TBCK: variants seen among roughly 807,000 people sequenced by gnomAD.
TBCK encodes TBC domain-containing protein kinase-like protein.
Under a neutral mutation model 113.4 loss-of-function variants are expected in TBCK, and 99 were observed. The observed-to-expected ratio is 0.87, with a 90% confidence interval of 0.74 to 1.03. The LOEUF (loss-of-function observed/expected upper bound fraction) is 1.03. TBCK is among the 50% of genes least tolerant of loss of function. The pLI, the probability that TBCK is intolerant of heterozygous loss-of-function variation, is 0.00. For missense variants in TBCK, 1,045 were observed against 1,061.3 expected (o/e 0.98, Z 0.21); for synonymous variants, 369 against 370.8 (o/e 1.00, Z 0.05).
chr4:106,123,817 G>T (rs1299253819), intron 23 of TBCK, among the ~76,000 whole-genome samples: 3,983 of 148,670 alleles, frequency 0.027, 166 homozygotes, highest in African/African-American at 0.093. Flanking sequence ...GCTGAAACTG[G>T]ATCCCTTCCT....
At chr4:106,170,657 T>C (rs1289798066) in intron 23 of TBCK, among the ~76,000 whole-genome samples, 1 of 152,128 alleles carries the variant, frequency 6.6e-6, no homozygotes, top group African/African-American at 2.4e-5. Context: ...TTGTTGACCA[T>C]ATTTATAAAC....
chr4:106,265,626 T>C (rs1762929376), intron 3 of TBCK, among the ~76,000 whole-genome samples: 1 of 151,980 alleles, frequency 6.6e-6, no homozygotes, highest in South Asian at 2.1e-4. Context: ...GTCCTCTAGT[T>C]GTTCCTTGTC....
At chr4:106,082,338 A>C (rs1222670430) in intron 25 of TBCK, among the ~76,000 whole-genome samples, 1 of 152,222 alleles carries the variant, frequency 6.6e-6, no homozygotes, top group Non-Finnish European at 1.5e-5. Context: ...ATGCAGGAAC[A>C]GAAAACCAAA....
In TBCK at chr4:106,125,001, A is replaced by T. The variant is rs934958768; in HGVS notation, c.2236-8623T>A. ...ATGTACCCTAAAACTTAAAGTATAA[A>T]AAAAAAAAAAAAAACACAATGTGAT... On this transcript the variant is annotated intron_variant, in intron 23 of 25. Transcript: ENST00000394708. 3.8e-5 allele frequency among the ~76,000 whole-genome samples: 4 copies of T among 104,380 alleles called. No homozygotes were observed. The East Asian group carries it at 1.0e-3, about 27-fold the overall frequency. The allele number at this position is 104,380 out of a possible 152,430, so 68.5% of individuals were successfully genotyped here.
At chr4:106,257,530 T>G (rs1762121221) in intron 5 of TBCK, among the ~76,000 whole-genome samples, 2 of 152,106 alleles carry the variant, frequency 1.3e-5, no homozygotes, top group South Asian at 4.2e-4. Context: ...ATGGGTAAAT[T>G]TGTTTTTTAA....
At chr4:106,139,422 A>G (rs903628771) in intron 23 of TBCK, among the ~76,000 whole-genome samples, 1 of 142,132 alleles carries the variant, frequency 7.0e-6, no homozygotes, top group African/African-American at 2.5e-5. Flanking sequence ...GGAAAATTCA[A>G]AAGTTTCAGC....
At chr4:106,216,112 G>A in intron 19 of TBCK, among the ~76,000 whole-genome samples, 1 of 152,148 alleles carries the variant, frequency 6.6e-6, no homozygotes, top group Non-Finnish European at 1.5e-5. Context: ...CCTCCTGAAT[G>A]ACTACTGGGT....
intron 2 of TBCK, among the ~76,000 whole-genome samples, chr4:106,306,048 C>T (rs1767482525): frequency 6.6e-6 from 1 of 152,004 alleles, no homozygotes; most frequent in South Asian, 2.1e-4. Context: ...TCACTTTACT[C>T]TATGGACTTG....
At chr4:106,054,723 C>T (rs140170502) in intron 25 of TBCK, among the ~76,000 whole-genome samples, 7 of 151,746 alleles carry the variant, frequency 4.6e-5, no homozygotes, top group African/African-American at 1.7e-4. Context: ...ACTTTCTGAG[C>T]ATCTACTGTG....
chr4:106,053,755 A>T (rs993720736), intron 25 of TBCK, among the ~76,000 whole-genome samples: 1 of 151,670 alleles, frequency 6.6e-6, no homozygotes, highest in Non-Finnish European at 1.5e-5. Context: ...TTCAAAGGGG[A>T]ACACTTGATT....
intron 10 of TBCK, 131 bp downstream of exon 10, chr4:106,247,008 C>T (rs1760890410): frequency 3.2e-6 from 3 of 939,424 alleles, no homozygotes; most frequent in Non-Finnish European, 4.6e-6. Flanking sequence ...TTAATCACTT[C>T]CAGAATTGTC....
chr4:106,261,197 A>G lies in TBCK; in HGVS notation c.382-687T>C, dbSNP rs550138184. Reference sequence around the variant, plus strand: ...TTTCCAAGCATTATAAAATATTTATATTTAAAAACAGCTTAAATTGATAAG... The same window carrying G: ...TTTCCAAGCATTATAAAATATTTATGTTTAAAAACAGCTTAAATTGATAAG... On this transcript the variant is annotated intron_variant, in intron 4 of 25. Coordinates refer to ENST00000394708, the MANE Select transcript of TBCK (RefSeq NM_001163435.3). Among the ~76,000 whole-genome samples the G allele has an allele frequency of 6.6e-5, 10 of 152,250 alleles. 1 individual carries two copies. In the South Asian group the frequency reaches 2.1e-3, roughly 32 times the overall value.
Position 106,137,802 on chromosome 4 carries a change from A to AT in TBCK, c.2236-21425dup, listed in dbSNP as rs1392798231. Reference sequence around the variant, plus strand: ...TAGAGACAGATTTTTTTTTTCAGTGATTAGAGACTTTATGCTAAAACGTTC... The same window carrying AT: ...TAGAGACAGATTTTTTTTTTCAGTGATTTAGAGACTTTATGCTAAAACGTTC... On this transcript the variant is annotated intron_variant, in intron 23 of 25. Transcript: ENST00000394708. Among the ~76,000 whole-genome samples, 8 of 140,218 alleles carry AT rather than the reference A, an allele frequency of 5.7e-5. 1 individual carries two copies. The highest frequency in any genetic ancestry group is 2.0e-4 in the African/African-American group (8 of 39,786). 92.0% of individuals were successfully genotyped at this position (140,218 alleles called of 152,430 possible).
chr4:106,233,830 G>A (rs1186893034), intron 15 of TBCK, among the ~76,000 whole-genome samples, 180 bp from the exon 16 acceptor site: 1 of 152,024 alleles, frequency 6.6e-6, no homozygotes, highest in East Asian at 1.9e-4. Flanking sequence ...GACAATCTGT[G>A]ATGAAGGTCT....
intron 3 of TBCK, among the ~76,000 whole-genome samples, chr4:106,283,958 G>A (rs1301714636): frequency 1.3e-5 from 2 of 152,170 alleles, no homozygotes; most frequent in Non-Finnish European, 2.9e-5. Context: ...ACAGAGATAT[G>A]TGAGAACTAT....
At chr4:106,244,927 A>G (rs891616990) in intron 10 of TBCK, among the ~76,000 whole-genome samples, 163 bp from the exon 11 acceptor site, 9 of 152,142 alleles carry the variant, frequency 5.9e-5, no homozygotes, top group Non-Finnish European at 8.8e-5. Context: ...ACTCCATCCT[A>G]ACAACAAATA....
At chr4:106,192,101 C>T (rs72891628) in intron 22 of TBCK, among the ~76,000 whole-genome samples, 6,867 of 152,094 alleles carry the variant, frequency 0.045, 513 homozygotes, top group African/African-American at 0.15. Context: ...GGAATTAAGA[C>T]AGAAATATGT....
chr4:106,167,200 GTA>G (rs1049409291), intron 23 of TBCK, among the ~76,000 whole-genome samples: 8 of 145,412 alleles, frequency 5.5e-5, no homozygotes, highest in South Asian at 2.1e-4. Flanking sequence ...ATATAGAACT[GTA>G]TATATATATA....
At chr4:106,204,244 T>A (rs1755200337) in intron 20 of TBCK, among the ~76,000 whole-genome samples, 1 of 152,112 alleles carries the variant, frequency 6.6e-6, no homozygotes, top group Admixed American at 6.6e-5. Context: ...AAACTAAAAC[T>A]AAAGCTAAAA....
Sources: gnomAD v4.1 joint callset for allele counts (sites outside exome capture counted in the v4.1 genomes callset) on GRCh38, gnomAD v4.1.1 for gene constraint, MANE v1.5 for transcripts, NCBI Gene and HGNC (gene_info 2026-07-23, HGNC 2026-07-21) for gene names.